The following KCND2 variants were observed in gnomAD, a reference collection of about 807,000 sequenced individuals.
The protein encoded by KCND2 is A-type voltage-gated potassium channel KCND2.
In KCND2, 16 loss-of-function variants were observed where a neutral mutation model predicts 54.4. That is an observed-to-expected ratio of 0.29 (90% CI 0.20 to 0.45). The LOEUF is 0.45. Ranked by LOEUF, KCND2 falls within the 20% of genes least tolerant of loss-of-function variation. The pLI, the probability that KCND2 is intolerant of heterozygous loss-of-function variation, is 1.00. For missense variants in KCND2, 486 were observed against 824.2 expected, an observed-to-expected ratio of 0.59 and a Z score of 5.02; for synonymous variants, 317 against 310.7, an observed-to-expected ratio of 1.02 and a Z score of -0.21.
chr7:120,593,319 T>C (rs1046233848), intron 1 of KCND2, among the ~76,000 whole-genome samples: 1 of 151,926 alleles, frequency 6.6e-6, no homozygotes, highest in African/African-American at 2.4e-5. Context: ...AACAACCTCC[T>C]GATTGATTCA....
At chr7:120,297,103 C>T (rs73429985) in intron 1 of KCND2, among the ~76,000 whole-genome samples, 4,650 of 151,978 alleles carry the variant, frequency 0.031, 266 homozygotes, top group African/African-American at 0.11. Context: ...AATCTGGGCA[C>T]TTATATGTAT....
chr7:120,319,978 A>T (rs1436637900), intron 1 of KCND2, among the ~76,000 whole-genome samples: 2 of 152,092 alleles, frequency 1.3e-5, no homozygotes, highest in African/African-American at 4.8e-5. Flanking sequence ...GTTTAGGCCT[A>T]TGAAAATGCA....
intron 1 of KCND2, among the ~76,000 whole-genome samples, chr7:120,458,117 A>G (rs188583440): frequency 6.6e-6 from 1 of 152,330 alleles, no homozygotes; most frequent in East Asian, 1.9e-4. Flanking sequence ...TGGTAAACCA[A>G]GCATGTCCCT....
chr7:120,678,554 T>A (rs1792098372), intron 1 of KCND2, among the ~76,000 whole-genome samples: 2 of 147,680 alleles, frequency 1.4e-5, no homozygotes, highest in South Asian at 4.2e-4. Context: ...AATGTGTATG[T>A]ATGTAAATGT....
chr7:120,514,452 C>T (rs1313411289), intron 1 of KCND2, among the ~76,000 whole-genome samples: 1 of 152,108 alleles, frequency 6.6e-6, no homozygotes, highest in Non-Finnish European at 1.5e-5. Context: ...ACACTAAGCC[C>T]AGGGAATTCA....
chr7:120,709,543 G>A (rs1426532486), intron 1 of KCND2, among the ~76,000 whole-genome samples: 1 of 152,128 alleles, frequency 6.6e-6, no homozygotes, highest in African/African-American at 2.4e-5. Flanking sequence ...AGAAAAAGAG[G>A]CTGAGGGTTG....
chr7:120,540,477 T>G (rs1381927434), intron 1 of KCND2, among the ~76,000 whole-genome samples: 83 of 152,166 alleles, frequency 5.5e-4, no homozygotes, highest in Non-Finnish European at 5.9e-5. Context: ...TCATCATACC[T>G]TGTTGATACA....
At chr7:120,649,133 T>C (rs1791689507) in intron 1 of KCND2, among the ~76,000 whole-genome samples, 1 of 152,088 alleles carries the variant, frequency 6.6e-6, no homozygotes, top group South Asian at 2.1e-4. Flanking sequence ...GATAACTAAT[T>C]ATTGGCAGAA....
intron 1 of KCND2, among the ~76,000 whole-genome samples, chr7:120,617,080 G>A (rs1793035530): frequency 6.6e-6 from 1 of 152,152 alleles, no homozygotes; most frequent in Admixed American, 6.5e-5. Context: ...AAGACAAGAT[G>A]TATGCATCCA....
At chr7:120,476,965 T>G (rs1802542735) in intron 1 of KCND2, among the ~76,000 whole-genome samples, 1 of 152,166 alleles carries the variant, frequency 6.6e-6, no homozygotes, top group South Asian at 2.1e-4. Flanking sequence ...AGTGGTAAAT[T>G]AGGTAGTCAT....
chr7:120,626,951 T>C (rs1793171269), intron 1 of KCND2, among the ~76,000 whole-genome samples: 1 of 152,204 alleles, frequency 6.6e-6, no homozygotes, highest in Non-Finnish European at 1.5e-5. Flanking sequence ...TTTCCATTGC[T>C]GCGATGTACA....
intron 1 of KCND2, among the ~76,000 whole-genome samples, chr7:120,540,651 G>C (rs1584819881): frequency 6.6e-6 from 1 of 152,186 alleles, no homozygotes; most frequent in African/African-American, 2.4e-5. Flanking sequence ...TCAACTGTAA[G>C]AGAAGTGGTA....
chr7:120,597,253 C>A (rs113303011), intron 1 of KCND2, among the ~76,000 whole-genome samples: 9 of 152,052 alleles, frequency 5.9e-5, no homozygotes, highest in African/African-American at 1.9e-4. Context: ...GTAGAGGAAG[C>A]AAAGAGGGGT....
chr7:120,384,109 A>G (rs1800953649), intron 1 of KCND2, among the ~76,000 whole-genome samples: 1 of 152,084 alleles, frequency 6.6e-6, no homozygotes, highest in South Asian at 2.1e-4. Flanking sequence ...TTTAGATTAC[A>G]TATTATACCT....
At chr7:120,447,254 C>T (rs953255946) in intron 1 of KCND2, among the ~76,000 whole-genome samples, 3 of 151,194 alleles carry the variant, frequency 2.0e-5, no homozygotes, top group Non-Finnish European at 2.9e-5. Flanking sequence ...GTGACATTCA[C>T]GTTCTTAGTC....
intron 1 of KCND2, among the ~76,000 whole-genome samples, chr7:120,677,757 A>G (rs1338321683): frequency 6.6e-6 from 1 of 151,926 alleles, no homozygotes; most frequent in African/African-American, 2.4e-5. Context: ...TAATACTTTC[A>G]TTTTTGCTTT....
intron 1 of KCND2, among the ~76,000 whole-genome samples, chr7:120,291,604 A>G (rs1454717755): frequency 6.6e-6 from 1 of 151,934 alleles, no homozygotes; most frequent in African/African-American, 2.4e-5. Context: ...TCTATGTGCT[A>G]TAGAATATAC....
At chr7:120,676,803 A>G (rs2116581014) in intron 1 of KCND2, among the ~76,000 whole-genome samples, 1 of 152,292 alleles carries the variant, frequency 6.6e-6, no homozygotes, top group Admixed American at 6.5e-5. Context: ...GTAATGACCA[A>G]AATGCTAACT....
In KCND2 at chr7:120,745,343, A is replaced by G. The variant is rs555979247; in HGVS notation, c.1468-437A>G. On this transcript the variant is annotated intron_variant, in intron 4 of 5. Coordinates refer to ENST00000331113, the MANE Select transcript of KCND2 (RefSeq NM_012281.3). ...AAGATTTGCTAATATATAACAGACA[A>G]TCTAACTTGGGGCATCCTATTAAAA... Among the ~76,000 whole-genome samples, 449 of 152,294 alleles carry G rather than the reference A, an allele frequency of 2.9e-3. 1 individual carries two copies. The highest frequency in any genetic ancestry group is 0.01 in the African/African-American group (426 of 41,574).
Sources: allele counts gnomAD v4.1 joint callset (sites outside exome capture counted in the v4.1 genomes callset), GRCh38; gene constraint gnomAD v4.1.1; transcripts MANE v1.5; gene names NCBI Gene and HGNC (gene_info 2026-07-23, HGNC 2026-07-21).